Variants in TOX observed in about 807,000 individuals in gnomAD.
The protein encoded by TOX is thymocyte selection associated high mobility group box.
A neutral mutation model predicts 53.7 loss-of-function variants in TOX; 11 were observed. That is an observed-to-expected ratio of 0.20 (90% CI 0.13 to 0.34). TOX has a LOEUF of 0.34. Among genes scored for constraint, TOX ranks in the 10% least tolerant of loss-of-function variants. The probability of loss-of-function intolerance (pLI) is 1.00; values close to 1 mark genes in which losing one functional copy is unlikely to be tolerated. For synonymous variants in TOX, 225 were observed against 245.3 expected, an observed-to-expected ratio of 0.92 and a Z score of 0.77; for missense variants, 570 against 664.6, an observed-to-expected ratio of 0.86 and a Z score of 1.56.
intron 1 of TOX, among the ~76,000 whole-genome samples, chr8:59,076,324 C>A (rs565248529): frequency 4.6e-4 from 70 of 152,280 alleles, no homozygotes; most frequent in African/African-American, 1.6e-3. Flanking sequence ...CCCAGAGATA[C>A]AAGGAGCTTC....
chr8:59,084,273 G>C (rs1804469124), intron 1 of TOX, among the ~76,000 whole-genome samples: 1 of 151,860 alleles, frequency 6.6e-6, no homozygotes, highest in Non-Finnish European at 1.5e-5. Flanking sequence ...ATGCTACAGA[G>C]ATAAAGAAAA....
At chr8:58,910,210 A>T (rs71521433) in intron 3 of TOX, among the ~76,000 whole-genome samples, 8,865 of 152,302 alleles carry the variant, frequency 0.058, 326 homozygotes, top group East Asian at 0.2. Flanking sequence ...GTTGTATTTG[A>T]CAAATGTTTT....
intron 1 of TOX, among the ~76,000 whole-genome samples, chr8:58,970,297 A>G (rs1373644679): frequency 2.6e-5 from 4 of 152,164 alleles, no homozygotes; most frequent in African/African-American, 9.6e-5. Context: ...ATCCTTGCTT[A>G]GTGATTTTCA....
At chr8:59,054,872 CA>C (rs150462874) in intron 1 of TOX, among the ~76,000 whole-genome samples, 17,411 of 75,386 alleles carry the variant, frequency 0.23, 2,076 homozygotes, top group East Asian at 0.66. Flanking sequence ...AAAGAGAAAG[CA>C]AAAAAAAAGA....
At chr8:58,923,937 G>T (rs1196654263) in intron 3 of TOX, among the ~76,000 whole-genome samples, 2 of 152,194 alleles carry the variant, frequency 1.3e-5, no homozygotes, top group Non-Finnish European at 2.9e-5. Context: ...GTGCATGAAT[G>T]CATATGAATG....
intron 3 of TOX, among the ~76,000 whole-genome samples, chr8:58,922,693 C>T (rs1283138331): frequency 6.6e-6 from 1 of 152,198 alleles, no homozygotes; most frequent in Non-Finnish European, 1.5e-5. Flanking sequence ...TCTAGTCTAG[C>T]AGTGGGAGGT....
intron 3 of TOX, among the ~76,000 whole-genome samples, chr8:58,872,567 G>A (rs191311002): frequency 1.3e-5 from 2 of 152,234 alleles, no homozygotes; most frequent in Admixed American, 1.3e-4. Context: ...TGATAATGTG[G>A]ACCCTTGAAA....
chr8:59,087,723 A>G (rs2129423580), intron 1 of TOX, among the ~76,000 whole-genome samples: 1 of 152,352 alleles, frequency 6.6e-6, no homozygotes, highest in Non-Finnish European at 1.5e-5. Flanking sequence ...CCTTGAGCTT[A>G]TAAAACTGGA....
chr8:58,930,336 T>C (rs757667987), intron 3 of TOX, among the ~76,000 whole-genome samples: 2 of 152,208 alleles, frequency 1.3e-5, no homozygotes, highest in African/African-American at 2.4e-5. Context: ...GCTGTACACT[T>C]ATATAGAGCA....
At chr8:59,064,526 C>A (rs777685556) in intron 1 of TOX, among the ~76,000 whole-genome samples, 1 of 152,038 alleles carries the variant, frequency 6.6e-6, no homozygotes, top group Non-Finnish European at 1.5e-5. Context: ...GAATAAAATG[C>A]GTTAGCATAT....
At chr8:59,006,995 C>T (rs1174505679) in intron 1 of TOX, among the ~76,000 whole-genome samples, 8 of 152,202 alleles carry the variant, frequency 5.3e-5, no homozygotes, top group Middle Eastern at 3.2e-3. Context: ...ACACTTCGTA[C>T]ACACTTGTTG....
intron 1 of TOX, among the ~76,000 whole-genome samples, chr8:59,056,498 C>T (rs754131220): frequency 6.8e-6 from 1 of 147,828 alleles, no homozygotes; most frequent in African/African-American, 2.5e-5. Context: ...ACTGATACCA[C>T]TACAGTGAAA....
chr8:58,958,814 C>T (rs1812751387), intron 2 of TOX, among the ~76,000 whole-genome samples: 1 of 152,168 alleles, frequency 6.6e-6, no homozygotes, highest in African/African-American at 2.4e-5. Context: ...AGGCAGTAAT[C>T]CTAATGACTT....
chr8:59,057,990 C>A (rs1055495652), intron 1 of TOX, among the ~76,000 whole-genome samples: 1 of 152,086 alleles, frequency 6.6e-6, no homozygotes, highest in African/African-American at 2.4e-5. Context: ...GACTACAGGT[C>A]AATCCAGGCT....
intron 3 of TOX, among the ~76,000 whole-genome samples, chr8:58,923,373 T>C (rs775342754): frequency 6.6e-6 from 1 of 152,016 alleles, no homozygotes; most frequent in African/African-American, 2.4e-5. Flanking sequence ...GGTAAGAAAA[T>C]AACTGGGTGT....
chr8:59,004,784 AAC>A (rs1563415544), intron 1 of TOX, among the ~76,000 whole-genome samples: 1 of 152,222 alleles, frequency 6.6e-6, no homozygotes. Context: ...TACACTAAAC[AAC>A]ATAGTAAATA....
At chr8:58,952,738 T>A (rs181676722) in intron 2 of TOX, among the ~76,000 whole-genome samples, 16 of 152,360 alleles carry the variant, frequency 1.1e-4, no homozygotes, top group Admixed American at 9.1e-4. Flanking sequence ...CTGAAATACA[T>A]TTCCCTAATA....
chr8:58,883,287 G>A (rs1330828688), intron 3 of TOX, among the ~76,000 whole-genome samples: 1 of 152,122 alleles, frequency 6.6e-6, no homozygotes, highest in African/African-American at 2.4e-5. Context: ...TAAACTCTCT[G>A]GCCTCAGTTT....
intron 1 of TOX, among the ~76,000 whole-genome samples, chr8:59,079,493 G>C (rs919078734): frequency 2.0e-5 from 3 of 152,166 alleles, no homozygotes; most frequent in African/African-American, 7.2e-5. Flanking sequence ...CTCAGCTCAG[G>C]AAACCTCAGG....
Sources: gnomAD v4.1 joint callset for allele counts (sites outside exome capture counted in the v4.1 genomes callset) on GRCh38, gnomAD v4.1.1 for gene constraint, MANE v1.5 for transcripts, NCBI Gene and HGNC (gene_info 2026-07-23, HGNC 2026-07-21) for gene names.